The following TBC1D12 variants were observed in gnomAD, a reference collection of about 807,000 sequenced individuals.
TBC1D12 encodes TBC1 domain family member 12, also known as TBC1 domain family, member 12.
In TBC1D12, 56 loss-of-function variants were observed where a neutral mutation model predicts 86.7. The observed-to-expected ratio is 0.65, with a 90% CI of 0.52 to 0.81. The LOEUF is 0.81. Among genes scored for constraint, TBC1D12 ranks in the 30% least tolerant of loss-of-function variants. TBC1D12 has a pLI of 0.00. For synonymous variants in TBC1D12, 421 were observed against 411.7 expected (o/e 1.02, Z -0.27); for missense variants, 1,023 against 1,038.8 (o/e 0.98, Z 0.21).
intron 1 of TBC1D12, among the ~76,000 whole-genome samples, chr10:94,417,979 C>T (rs575579144): frequency 7.9e-5 from 12 of 152,028 alleles, no homozygotes; most frequent in African/African-American, 2.7e-4. Context: ...TGGTCTTGAT[C>T]TCCTGACCTC....
At chr10:94,525,269 C>T (rs573114373) in intron 11 of TBC1D12, among the ~76,000 whole-genome samples, 42 of 151,980 alleles carry the variant, frequency 2.8e-4, no homozygotes, top group Admixed American at 1.1e-3. Flanking sequence ...TAGTGAAGGT[C>T]GAATCATTGC....
intron 2 of TBC1D12, among the ~76,000 whole-genome samples, chr10:94,463,249 A>G (rs551549337): frequency 6.6e-6 from 1 of 152,334 alleles, no homozygotes; most frequent in Non-Finnish European, 1.5e-5. Flanking sequence ...CGTTGCTTAT[A>G]ACAGAATATT....
chr10:94,456,843 ACT>A (rs2055634014), intron 2 of TBC1D12, among the ~76,000 whole-genome samples: 2 of 151,678 alleles, frequency 1.3e-5, no homozygotes, highest in African/African-American at 2.4e-5. Flanking sequence ...TATCTTGACC[ACT>A]CTGTTTTTAG....
chr10:94,483,151 AC>A (rs1240697460), intron 3 of TBC1D12, among the ~76,000 whole-genome samples: 2 of 143,318 alleles, frequency 1.4e-5, no homozygotes, highest in Non-Finnish European at 3.0e-5. Context: ...CATTTTCTTT[AC>A]CCACTCATCT....
At position 94,432,562 on chromosome 10, in the gene TBC1D12, A is replaced by G. The variant is rs78221978; in HGVS notation, c.972-9334A>G. Among the ~76,000 whole-genome samples the G allele has an allele frequency of 4.5e-3, 681 of 152,354 alleles. 6 individuals carry two copies. Among genetic ancestry groups the G allele is most frequent in the African/African-American group, 0.015 (633 of 41,578 alleles). ...GTGGCATAAGAAATTAATGTGGAAC[A>G]ATATCTGATGGCCTTTCTTAGCAAC... On this transcript the variant is annotated intron_variant, in intron 1 of 12. Coordinates refer to ENST00000225235, the MANE Select transcript of TBC1D12 (RefSeq NM_015188.2).
At chr10:94,526,491 G>A (rs547111475) in intron 11 of TBC1D12, among the ~76,000 whole-genome samples, 1 of 151,478 alleles carries the variant, frequency 6.6e-6, no homozygotes, top group Non-Finnish European at 1.5e-5. Flanking sequence ...TTCTGCATAT[G>A]AATGAGAACA....
intron 1 of TBC1D12, among the ~76,000 whole-genome samples, chr10:94,430,710 T>C (rs1007333663): frequency 2.0e-5 from 3 of 152,220 alleles, no homozygotes; most frequent in African/African-American, 7.2e-5. Flanking sequence ...ACCTGTATTA[T>C]AAAAGCCACT....
At chr10:94,429,880 C>T (rs545171951) in intron 1 of TBC1D12, among the ~76,000 whole-genome samples, 8 of 152,080 alleles carry the variant, frequency 5.3e-5, no homozygotes, top group African/African-American at 1.2e-4. Context: ...GCTTCAGGTG[C>T]GTGCCACCAC....
At chr10:94,417,942 GGTGGGGTTTCACC>G (rs561137365) in intron 1 of TBC1D12, among the ~76,000 whole-genome samples, 70 of 151,978 alleles carry the variant, frequency 4.6e-4, no homozygotes, top group Non-Finnish European at 8.5e-4. Flanking sequence ...TTTTAGTAGA[GGTGGGGTTTCACC>G]GTGTTAGCCA....
intron 4 of TBC1D12, among the ~76,000 whole-genome samples, chr10:94,494,980 G>C (rs1324734298): frequency 1.3e-5 from 2 of 151,392 alleles, no homozygotes; most frequent in African/African-American, 2.4e-5. Flanking sequence ...TCCTGCCTCA[G>C]CTTCCCTGGT....
chr10:94,501,878 A>T (rs2056402262), intron 6 of TBC1D12, among the ~76,000 whole-genome samples: 1 of 151,978 alleles, frequency 6.6e-6, no homozygotes. Flanking sequence ...TTTTTAAAAA[A>T]TTAAGCTGGA....
rs1386486822 is a variant in TBC1D12 at position 94,535,720 on chromosome 10, G to T, written c.*2624G>T. 6.6e-6 allele frequency: 1 copy of T among 152,104 alleles called. No homozygotes were observed. The highest frequency in any genetic ancestry group is 1.5e-5 in the Non-Finnish European group (1 of 68,000). The allele number at this position is 152,104 out of a possible 1,614,324, so 9.4% of individuals were successfully genotyped here. A position where few individuals can be genotyped will look rare whatever the true frequency, so the allele number is the denominator to read the frequency against. On this transcript the variant is annotated 3_prime_UTR_variant, in exon 13 of 13. Coordinates refer to ENST00000225235, the MANE Select transcript of TBC1D12 (RefSeq NM_015188.2). The stretch of plus-strand genomic sequence containing the variant: ...AACATCTGGCAGTAATCTCATTCAG[G>T]TTATACTACCTGACTAAATTTAATC...
intron 1 of TBC1D12, among the ~76,000 whole-genome samples, chr10:94,426,565 G>C (rs541995349): frequency 7.0e-4 from 106 of 151,920 alleles, no homozygotes; most frequent in Non-Finnish European, 1.2e-3. Flanking sequence ...CATATTGTCA[G>C]ATTTTATTTT....
chr10:94,462,095 C>T (rs1341531902), intron 2 of TBC1D12, among the ~76,000 whole-genome samples: 8 of 152,124 alleles, frequency 5.3e-5, no homozygotes, highest in Non-Finnish European at 1.2e-4. Context: ...TGAGGGATGT[C>T]AGTCTATAAT....
At chr10:94,483,252 A>AT (rs1044721717) in intron 3 of TBC1D12, among the ~76,000 whole-genome samples, 1 of 151,962 alleles carries the variant, frequency 6.6e-6, no homozygotes, top group African/African-American at 2.4e-5. Flanking sequence ...TGATGTTCTG[A>AT]TTGCCTTTCT....
At chr10:94,515,559 G>A (rs1243074198) in intron 9 of TBC1D12, among the ~76,000 whole-genome samples, 2 of 151,540 alleles carry the variant, frequency 1.3e-5, no homozygotes, top group African/African-American at 4.9e-5. Context: ...GTGTTGACCA[G>A]GCTAGTCTCG....
chr10:94,461,201 G>A (rs1218602310), intron 2 of TBC1D12, among the ~76,000 whole-genome samples: 1 of 152,134 alleles, frequency 6.6e-6, no homozygotes, highest in Non-Finnish European at 1.5e-5. Flanking sequence ...GTAAGGTAGT[G>A]GTAAGGTGTG....
At chr10:94,465,651 A>AT (rs2055796169) in intron 2 of TBC1D12, among the ~76,000 whole-genome samples, 1 of 85,652 alleles carries the variant, frequency 1.2e-5, no homozygotes, top group Admixed American at 1.1e-4. Flanking sequence ...TGCCTAAAAA[A>AT]AAAAATATAT....
At chr10:94,501,177 G>A (rs1028615819) in intron 6 of TBC1D12, among the ~76,000 whole-genome samples, 1 of 149,310 alleles carries the variant, frequency 6.7e-6, no homozygotes, top group Non-Finnish European at 1.5e-5. Context: ...AGCCGGGCAT[G>A]GTGGCTCATG....
Sources: gnomAD v4.1 joint callset for allele counts (sites outside exome capture counted in the v4.1 genomes callset) on GRCh38, gnomAD v4.1.1 for gene constraint, MANE v1.5 for transcripts, NCBI Gene and HGNC (gene_info 2026-07-23, HGNC 2026-07-21) for gene names.